Variants in DOCK1 observed in about 807,000 individuals in gnomAD.
DOCK1 encodes the protein dedicator of cytokinesis protein 1.
In DOCK1, 138 loss-of-function variants were observed where a neutral mutation model predicts 262.7. The observed-to-expected ratio is 0.53, with a 90% CI of 0.46 to 0.61. The LOEUF (loss-of-function observed/expected upper bound fraction) is 0.61, where lower values mean the gene tolerates loss of function less well. Ranked by LOEUF, DOCK1 falls within the 20% of genes least tolerant of loss-of-function variation. The pLI is 0.00. For synonymous variants in DOCK1, 866 were observed against 867.4 expected (o/e 1.00, Z 0.03); for missense variants, 1,908 against 2,370.7 (o/e 0.80, Z 4.05).
intron 29 of DOCK1, among the ~76,000 whole-genome samples, chr10:127,307,057 A>G (rs1279314898): frequency 6.6e-6 from 1 of 152,220 alleles, no homozygotes; most frequent in Non-Finnish European, 1.5e-5. Flanking sequence ...TAACTTCATT[A>G]TATTACTTCT....
intron 42 of DOCK1, 46 bp downstream of exon 42, chr10:127,409,437 T>A (rs760925658): frequency 2.5e-6 from 4 of 1,579,992 alleles, no homozygotes; most frequent in Non-Finnish European, 3.5e-6. Context: ...TGTAAGAGGC[T>A]GTGTACAGAT....
At chr10:127,304,638 C>T (rs543619060) in intron 29 of DOCK1, among the ~76,000 whole-genome samples, 2 of 152,222 alleles carry the variant, frequency 1.3e-5, no homozygotes, top group African/African-American at 4.8e-5. Context: ...GTAATCTTAG[C>T]ATTTTGGGAG....
intron 51 of DOCK1, among the ~76,000 whole-genome samples, chr10:127,448,892 G>A (rs931485944): frequency 4.0e-5 from 6 of 151,402 alleles, no homozygotes; most frequent in African/African-American, 1.5e-4. Flanking sequence ...TTGACGGAGT[G>A]TTCCACAAGG....
intron 24 of DOCK1, among the ~76,000 whole-genome samples, chr10:127,107,543 C>T (rs138213218): frequency 2.8e-4 from 42 of 152,274 alleles, no homozygotes; most frequent in Middle Eastern, 3.4e-3. Context: ...GGCTCACGGG[C>T]GGTGTCTGCC....
At chr10:127,223,089 T>C (rs1329785930) in intron 27 of DOCK1, among the ~76,000 whole-genome samples, 1 of 152,216 alleles carries the variant, frequency 6.6e-6, no homozygotes, top group Non-Finnish European at 1.5e-5. Flanking sequence ...GCCCTCATTA[T>C]TGACATTTTG....
chr10:127,294,804 C>T lies in DOCK1; in HGVS notation c.3044+37375C>T, dbSNP rs551738376. Among the ~76,000 whole-genome samples, 5 of 152,012 alleles carry T rather than the reference C, an allele frequency of 3.3e-5. No individual in the cohort carries two copies. The South Asian group carries it at 6.2e-4, about 19-fold the overall frequency. On this transcript the variant is annotated intron_variant, in intron 29 of 51. Transcript: ENST00000623213. ...GCTGGGACTAAAGATGCATGCCCAGCTAATTTTTGTATTTTTTAGTAGAGA... is the reference window on the plus strand; with the variant it reads ...GCTGGGACTAAAGATGCATGCCCAGTTAATTTTTGTATTTTTTAGTAGAGA...
intron 3 of DOCK1, among the ~76,000 whole-genome samples, chr10:126,978,828 T>A (rs2038740231): frequency 6.6e-6 from 1 of 152,194 alleles, no homozygotes; most frequent in South Asian, 2.1e-4. Context: ...GAGCCTGTAA[T>A]AAGTCCTCCA....
At chr10:126,949,455 G>A (rs1314352985) in intron 1 of DOCK1, among the ~76,000 whole-genome samples, 1 of 152,122 alleles carries the variant, frequency 6.6e-6, no homozygotes, top group Non-Finnish European at 1.5e-5. Flanking sequence ...GTCCAAAGTG[G>A]GTAGGTGTGT....
At chr10:127,158,812 T>C (rs776927099) in intron 27 of DOCK1, among the ~76,000 whole-genome samples, 1 of 152,216 alleles carries the variant, frequency 6.6e-6, no homozygotes, top group Non-Finnish European at 1.5e-5. Context: ...TAGTTGTAAG[T>C]ATTCTCTTAA....
At chr10:127,321,782 C>A (rs1199941556) in intron 29 of DOCK1, among the ~76,000 whole-genome samples, 1 of 151,764 alleles carries the variant, frequency 6.6e-6, no homozygotes, top group Non-Finnish European at 1.5e-5. Context: ...CCAGACATGA[C>A]CTGGATGCTC....
intron 5 of DOCK1, 86 bp from the exon 6 acceptor site, chr10:126,990,369 C>G (rs3750560): frequency 3.3e-5 from 44 of 1,351,744 alleles, no homozygotes; most frequent in Non-Finnish European, 4.1e-5. Flanking sequence ...ATACCTCATG[C>G]GTATTTGAAG....
At position 127,052,823 on chromosome 10, in the gene DOCK1, C is replaced by T. The variant is rs1221874121; in HGVS notation, c.2336+8C>T. The T allele has an allele frequency of 4.4e-6, 7 of 1,606,442 alleles. No homozygotes were observed. Among genetic ancestry groups the T allele is most frequent in the Non-Finnish European group, 6.0e-6 (7 of 1,175,962 alleles). ...CAGGATCCTGTTCAATCAGTGCGTA[C>T]CTATCCCCTCCATGCCCGGGCTCTC... On this transcript the variant is annotated splice_region_variant and intron_variant, in intron 22 of 51. Coordinates refer to ENST00000623213, the MANE Select transcript of DOCK1 (RefSeq NM_001290223.2).
At chr10:127,426,838 T>G (rs1468872696) in intron 47 of DOCK1, among the ~76,000 whole-genome samples, 1 of 152,170 alleles carries the variant, frequency 6.6e-6, no homozygotes. Flanking sequence ...AAGGCTGGCA[T>G]CAGGAGCAGG....
chr10:127,195,046 G>A (rs1205538446), intron 27 of DOCK1, among the ~76,000 whole-genome samples: 4 of 152,130 alleles, frequency 2.6e-5, no homozygotes, highest in Non-Finnish European at 5.9e-5. Context: ...TACTCCAGAG[G>A]CACCTCTCCT....
chr10:126,912,298 C>T (rs1050401495), intron 1 of DOCK1, among the ~76,000 whole-genome samples: 23 of 151,916 alleles, frequency 1.5e-4, no homozygotes, highest in African/African-American at 5.3e-4. Flanking sequence ...GGTATGGTGG[C>T]GGGCGCCTGT....
intron 10 of DOCK1, chr10:127,000,787 G>C (rs1208428190): frequency 6.1e-6 from 1 of 163,388 alleles, no homozygotes; most frequent in Non-Finnish European, 1.3e-5. Flanking sequence ...CGCCATGTTG[G>C]TGTTCTTCCT....
At chr10:126,967,151 A>G (rs2037735349) in intron 1 of DOCK1, among the ~76,000 whole-genome samples, 1 of 152,312 alleles carries the variant, frequency 6.6e-6, no homozygotes, top group African/African-American at 2.4e-5. Context: ...GCGATCAGCA[A>G]AAAGGCCACC....
rs777637245 is a variant in DOCK1, at chr10:127,175,651, A to T, written c.2847+47887A>T. 9.3e-6 allele frequency: 15 copies of T among 1,613,314 alleles called. No homozygotes were observed. Among genetic ancestry groups the T allele is most frequent in the Non-Finnish European group, 1.2e-5 (14 of 1,179,964 alleles). On this transcript the variant is annotated intron_variant, in intron 27 of 51. Transcript: ENST00000623213. This position sits in a 1 kb window ranked among gnomAD's most constrained non-coding sequence, Gnocchi z 6.3. ...TAAACGGTGGCAACCTCCGTTTTAA[A>T]CACCCTCCTGAGGGCAGGTGGAGCG...
At chr10:127,393,151 T>C (rs1244726345) in intron 38 of DOCK1, among the ~76,000 whole-genome samples, 1 of 152,200 alleles carries the variant, frequency 6.6e-6, no homozygotes, top group African/African-American at 2.4e-5. Context: ...ATCTTACATG[T>C]ATTTCATTTT....
Sources: gnomAD v4.1 joint callset for allele counts (sites outside exome capture counted in the v4.1 genomes callset) on GRCh38, gnomAD v4.1.1 for gene constraint, Gnocchi (gnomAD v3.1) non-coding constraint, MANE v1.5 for transcripts, NCBI Gene and HGNC (gene_info 2026-07-23, HGNC 2026-07-21) for gene names.